RBM27: variants seen among roughly 807,000 people sequenced by gnomAD.
The protein encoded by RBM27 is RNA-binding protein 27.
In RBM27, 22 loss-of-function variants were observed where a neutral mutation model predicts 135.3. The observed-to-expected ratio is 0.16, with a 90% CI of 0.12 to 0.23. The LOEUF (loss-of-function observed/expected upper bound fraction) is 0.23, where lower values mean the gene tolerates loss of function less well. Among genes scored for constraint, RBM27 ranks in the 10% least tolerant of loss-of-function variants. The pLI, the probability that RBM27 is intolerant of heterozygous loss-of-function variation, is 1.00. For missense variants in RBM27, 1,009 were observed against 1,281.0 expected (o/e 0.79, Z 3.24); for synonymous variants, 481 against 442.4 (o/e 1.09, Z -1.10).
chr5:146,262,802 AT>A (rs1561557420), intron 13 of RBM27, among the ~76,000 whole-genome samples: 1 of 151,874 alleles, frequency 6.6e-6, no homozygotes, highest in Admixed American at 6.6e-5. Context: ...CCAAGATTGC[AT>A]TATGTTTTTG....
chr5:146,280,465 A>G (rs1021611009), intron 19 of RBM27, among the ~76,000 whole-genome samples: 1 of 152,142 alleles, frequency 6.6e-6, no homozygotes, highest in South Asian at 2.1e-4. Flanking sequence ...GAAGGCAAAC[A>G]CCTAATATAC....
chr5:146,263,885 A>C (rs1204564273), intron 14 of RBM27, among the ~76,000 whole-genome samples: 1 of 151,890 alleles, frequency 6.6e-6, no homozygotes, highest in Non-Finnish European at 1.5e-5. Context: ...TGAGTGGATC[A>C]CCTGAGGTCA....
chr5:146,265,918 A>G lies in RBM27; in HGVS notation c.2332-1731A>G, dbSNP rs772093692. 5.9e-5 allele frequency among the ~76,000 whole-genome samples: 9 copies of G among 152,256 alleles called. No homozygotes were observed. The South Asian group carries it at 1.2e-3, about 21-fold the overall frequency. Reference sequence around the variant, plus strand: ...AACTATCCGTATTAACTCAGGTTGTATTTTATCTTAAGCGGGAAAAAAAAG... The same window carrying G: ...AACTATCCGTATTAACTCAGGTTGTGTTTTATCTTAAGCGGGAAAAAAAAG... On this transcript the variant is annotated intron_variant, in intron 14 of 20. Coordinates refer to ENST00000265271, the MANE Select transcript of RBM27 (RefSeq NM_018989.2).
intron 19 of RBM27, among the ~76,000 whole-genome samples, chr5:146,274,558 C>G (rs937751684): frequency 6.6e-6 from 1 of 152,132 alleles, no homozygotes; most frequent in Non-Finnish European, 1.5e-5. Context: ...CATGAGCCAC[C>G]GTGCCCGGCC....
chr5:146,207,316 C>T lies in RBM27; in HGVS notation c.59+3492C>T, dbSNP rs368668703. The stretch of plus-strand genomic sequence containing the variant: ...GCAACCTCTGCCTCCTGGGTTCAAG[C>T]GATTCTCCTGCTTTAGCCTCCCGAG... On this transcript the variant is annotated intron_variant, in intron 1 of 20. Transcript: ENST00000265271. Among the ~76,000 whole-genome samples the T allele has an allele frequency of 1.4e-4, 21 of 151,710 alleles. 1 individual carries two copies. The highest frequency in any genetic ancestry group is 9.8e-4 in the Admixed American group (15 of 15,240).
chr5:146,271,672 T>A lies in RBM27; in HGVS notation c.2986T>A (p.Ser996Thr), dbSNP rs778158767. 3 of 1,609,284 alleles carry A rather than the reference T, an allele frequency of 1.9e-6. No individual in the cohort carries two copies. The highest frequency in any genetic ancestry group is 2.6e-6 in the Non-Finnish European group (3 of 1,176,434). Residue 996 changes from serine to threonine, a missense_variant and splice_region_variant, in exon 19 of 21, where the codon TCA becomes ACA. Ser to Thr is a moderately conservative substitution (Grantham distance 58). This residue lies in a region of RBM27 where 355 missense variants were observed against 427.3 expected (regional missense o/e 0.83). Coordinates refer to ENST00000265271, the MANE Select transcript of RBM27 (RefSeq NM_018989.2). The stretch of plus-strand genomic sequence containing the variant: ...AAAAGAAGACTTGCTTCAGCATTTC[T>A]CAGTAAGTTTTTAAAATAGCAAATG... ...EEKEDLLQHF[S>T]TANQGPKFKD...
At chr5:146,250,313 C>T (rs185921276) in intron 8 of RBM27, among the ~76,000 whole-genome samples, 4 of 151,428 alleles carry the variant, frequency 2.6e-5, no homozygotes, top group Admixed American at 2.0e-4. Context: ...TGGTGGTGGG[C>T]GCCTGTAGTC....
At chr5:146,204,587 A>G (rs991793280) in intron 1 of RBM27, among the ~76,000 whole-genome samples, 1 of 152,216 alleles carries the variant, frequency 6.6e-6, no homozygotes, top group African/African-American at 2.4e-5. Context: ...TGAAAGGGCT[A>G]CACTGGTATG....
Position 146,219,025 on chromosome 5 carries a change from G to A in RBM27, c.100G>A (p.Ala34Thr). ...TTCAGCCTTAGCCAACTATGTTGTAGCACTGGTCAAGAAGGACAAACCTGA... is the reference window on the plus strand; with the variant it reads ...TTCAGCCTTAGCCAACTATGTTGTAACACTGGTCAAGAAGGACAAACCTGA... ...DPSALANYVVALVKKDKPEKE... is the reference protein window; with the variant it reads ...DPSALANYVVTLVKKDKPEKE... Residue 34 changes from alanine to threonine, a missense_variant, in exon 2 of 21, where the codon GCA becomes ACA. Around this residue, in one of 6 missense-constraint regions of RBM27, gnomAD observed 268 missense variants for 326.6 expected, o/e 0.82. Coordinates refer to ENST00000265271, the MANE Select transcript of RBM27 (RefSeq NM_018989.2). 4.3e-6 allele frequency: 7 copies of A among 1,613,154 alleles called. No individual in the cohort carries two copies. The highest frequency in any genetic ancestry group is 5.9e-6 in the Non-Finnish European group (7 of 1,179,624).
Position 146,259,949 on chromosome 5 carries a change from C to T in RBM27, c.1740-796C>T, listed in dbSNP as rs1014709474. Among the ~76,000 whole-genome samples, 145 of 123,150 alleles carry T rather than the reference C, an allele frequency of 1.2e-3. 2 individuals carry two copies. The highest frequency in any genetic ancestry group is 4.6e-3 in the African/African-American group (140 of 30,696). 80.8% of individuals were successfully genotyped at this position (123,150 alleles called of 152,430 possible). On this transcript the variant is annotated intron_variant, in intron 11 of 20. Transcript: ENST00000265271. ...GATTGCGCCACTGCAGTCCGCAGTC[C>T]GGCCTGGGCGACAGAGCGAGACTCC... is the stretch of plus-strand genomic sequence containing the variant.
rs1014055963 is a variant in RBM27 at position 146,286,575 on chromosome 5, CTAAAT to C, written c.*547_*551del. ...TGGAGGAGCCCAATTTGTATTCAGT[CTAAAT>C]TTGTTTTTCATGGTTTTTATGTGTG... On this transcript the variant is annotated 3_prime_UTR_variant, in exon 21 of 21. Coordinates refer to ENST00000265271, the MANE Select transcript of RBM27 (RefSeq NM_018989.2). 1 of 146,696 alleles carries C rather than the reference CTAAAT, an allele frequency of 6.8e-6. No individual in the cohort carries two copies. The highest frequency in any genetic ancestry group is 1.5e-5 in the Non-Finnish European group (1 of 66,480). 9.1% of individuals were successfully genotyped at this position (146,696 alleles called of 1,614,324 possible).
In RBM27 at chr5:146,229,008, G is replaced by C. The variant is rs377221808; in HGVS notation, c.366G>C (p.Gln122His). Reference sequence around the variant, plus strand: ...GAAAAAAGAAATATCCTAGTCCCCAGAAGACTCGTTCAGAATCTAGTGAAC... The same window carrying C: ...GAAAAAAGAAATATCCTAGTCCCCACAAGACTCGTTCAGAATCTAGTGAAC... ...DGRKKKYPSP[Q>H]KTRSESSERR... The change falls in exon 4 of 21, where the codon CAG becomes CAC. Residue 122 changes from glutamine to histidine, a missense_variant. Around this residue, in one of 6 missense-constraint regions of RBM27, gnomAD observed 268 missense variants for 326.6 expected, o/e 0.82. Coordinates refer to ENST00000265271, the MANE Select transcript of RBM27 (RefSeq NM_018989.2). The C allele has an allele frequency of 1.9e-6, 3 of 1,613,750 alleles. No individual in the cohort carries two copies. The highest frequency in any genetic ancestry group is 2.5e-6 in the Non-Finnish European group (3 of 1,179,792).
chr5:146,233,406 A>T, intron 6 of RBM27, 44 bp from the exon 7 acceptor site: 1 of 1,494,598 alleles, frequency 6.7e-7, no homozygotes, highest in Non-Finnish European at 8.9e-7. Flanking sequence ...TCTGAACTCT[A>T]AGTAGATGAT....
intron 8 of RBM27, chr5:146,245,355 G>T (rs1757581507): frequency 6.6e-6 from 1 of 152,100 alleles, no homozygotes; most frequent in African/African-American, 2.4e-5. Flanking sequence ...CTTTTGGTCT[G>T]TTCTGCTTCT....
chr5:146,213,187 C>T (rs1756040535), intron 1 of RBM27, among the ~76,000 whole-genome samples: 1 of 152,036 alleles, frequency 6.6e-6, no homozygotes. Context: ...ACTGCAACCA[C>T]CGCCTCCCGG....
In RBM27 at chr5:146,269,083, C is replaced by A. The variant is rs986393690; in HGVS notation, c.2452-124C>A. 1.0e-5 allele frequency: 6 copies of A among 574,416 alleles called. No individual in the cohort carries two copies. In the African/African-American group the frequency reaches 1.1e-4, roughly 11 times the overall value. 35.6% of individuals were successfully genotyped at this position (574,416 alleles called of 1,614,324 possible). Reference sequence around the variant, plus strand: ...TTAGGGAAAATATATTCAAAGGTTTCATCTATGGTGTCAGCTATTTTTTTA... The same window carrying A: ...TTAGGGAAAATATATTCAAAGGTTTAATCTATGGTGTCAGCTATTTTTTTA... On this transcript the variant is annotated intron_variant, in intron 15 of 20. Transcript: ENST00000265271.
intron 1 of RBM27, among the ~76,000 whole-genome samples, chr5:146,208,769 A>G (rs1265110519): frequency 6.6e-6 from 1 of 152,248 alleles, no homozygotes; most frequent in African/African-American, 2.4e-5. Context: ...AAGTTTAAAA[A>G]AAGATCAGGC....
chr5:146,241,164 T>TA (rs60683640), intron 8 of RBM27, among the ~76,000 whole-genome samples: 1 of 151,984 alleles, frequency 6.6e-6, no homozygotes, highest in Non-Finnish European at 1.5e-5. Context: ...GTTTTTAATT[T>TA]AAAAAAAATC....
intron 10 of RBM27, 93 bp from the exon 11 acceptor site, chr5:146,258,356 A>G: frequency 1.1e-6 from 1 of 930,094 alleles, no homozygotes; most frequent in Non-Finnish European, 1.5e-6. Flanking sequence ...ATAGTAGTTG[A>G]GCTATTCATA....
Sources: gnomAD v4.1 joint callset for allele counts (sites outside exome capture counted in the v4.1 genomes callset) on GRCh38, gnomAD v4.1.1 for gene constraint, gnomAD v4.1.1 regional missense constraint, MANE v1.5 for transcripts, NCBI Gene and HGNC (gene_info 2026-07-23, HGNC 2026-07-21) for gene names.